Variants in UBE2F observed in about 807,000 individuals in gnomAD.
UBE2F encodes NEDD8-conjugating enzyme UBE2F.
UBE2F carries 5 observed loss-of-function variants against 29.6 expected under a neutral mutation model. That is an observed-to-expected ratio of 0.17 (90% confidence interval 0.09 to 0.36). The LOEUF is 0.36. UBE2F is among the 10% of genes least tolerant of loss of function. The probability of loss-of-function intolerance (pLI) is 1.00; values close to 1 mark genes in which losing one functional copy is unlikely to be tolerated. For missense variants in UBE2F, 141 were observed against 228.5 expected (o/e 0.62, Z 2.47); for synonymous variants, 66 against 81.8 (o/e 0.81, Z 1.04).
intron 9 of UBE2F, among the ~76,000 whole-genome samples, chr2:238,038,393 T>C (rs2064767158): frequency 6.6e-6 from 1 of 152,194 alleles, no homozygotes; most frequent in South Asian, 2.1e-4. Flanking sequence ...CCTGATGGGC[T>C]TGTGTTGTCT....
intron 4 of UBE2F, among the ~76,000 whole-genome samples, chr2:238,004,015 C>T (rs1014287887): frequency 2.6e-5 from 4 of 152,220 alleles, no homozygotes; most frequent in Admixed American, 6.5e-5. Flanking sequence ...CAATATGCAA[C>T]ATTTTGTATG....
intron 9 of UBE2F, 113 bp from the exon 10 acceptor site, chr2:238,041,175 C>T (rs890713417): frequency 1.1e-5 from 11 of 1,025,688 alleles, no homozygotes; most frequent in East Asian, 2.4e-5. Flanking sequence ...ACCACCTTGG[C>T]GACCACAGGG....
chr2:238,030,002 G>A (rs949954001), intron 6 of UBE2F, among the ~76,000 whole-genome samples: 3 of 151,674 alleles, frequency 2.0e-5, no homozygotes, highest in African/African-American at 7.3e-5. Flanking sequence ...CTGGAGTACA[G>A]GGGCGCCATC....
chr2:238,010,733 T>G (rs1319274771), intron 4 of UBE2F, among the ~76,000 whole-genome samples: 1 of 152,146 alleles, frequency 6.6e-6, no homozygotes, highest in Non-Finnish European at 1.5e-5. Flanking sequence ...TTACCCTGAA[T>G]GGCTCCCAAA....
chr2:238,015,529 A>T (rs1469870909), intron 4 of UBE2F, among the ~76,000 whole-genome samples: 1 of 152,166 alleles, frequency 6.6e-6, no homozygotes, highest in Non-Finnish European at 1.5e-5. Flanking sequence ...GGTCCAGGTA[A>T]TGCCAGTTTT....
chr2:237,974,159 C>CT (rs2063228184), intron 2 of UBE2F, among the ~76,000 whole-genome samples: 2 of 119,522 alleles, frequency 1.7e-5, no homozygotes, highest in Non-Finnish European at 1.9e-5. Flanking sequence ...ACGCCCAGCT[C>CT]ATTTTTTTTT....
chr2:238,009,565 G>T (rs554375998), intron 4 of UBE2F, among the ~76,000 whole-genome samples: 1 of 152,072 alleles, frequency 6.6e-6, no homozygotes, highest in South Asian at 2.1e-4. Context: ...CCCCGTAACC[G>T]TCCATTTCTT....
In UBE2F at chr2:238,041,271, A is replaced by G. The variant is rs1331291116; in HGVS notation, c.508-17A>G. On this transcript the variant is annotated splice_polypyrimidine_tract_variant and intron_variant, in intron 9 of 9. Coordinates refer to ENST00000272930, the MANE Select transcript of UBE2F (RefSeq NM_080678.3). ...CCTCCTGTTCTTCTTTCTGTCCCCA[A>G]TGCTGTTACTCCACAGGAGGACTTC... 3.1e-6 allele frequency: 5 copies of G among 1,613,052 alleles called. No individual in the cohort carries two copies. Among genetic ancestry groups the G allele is most frequent in the East Asian group, 2.2e-5 (1 of 44,888 alleles).
intron 4 of UBE2F, among the ~76,000 whole-genome samples, chr2:238,013,986 G>A (rs1033856379): frequency 1.1e-4 from 16 of 152,222 alleles, no homozygotes; most frequent in East Asian, 5.8e-4. Flanking sequence ...CACGGTGCAC[G>A]TGTAGTTACA....
chr2:238,004,178 C>T (rs1373653047), intron 4 of UBE2F, among the ~76,000 whole-genome samples: 1 of 152,182 alleles, frequency 6.6e-6, no homozygotes, highest in Non-Finnish European at 1.5e-5. Flanking sequence ...TTATAAGAAA[C>T]TACAAAATTG....
intron 5 of UBE2F, among the ~76,000 whole-genome samples, chr2:238,024,001 A>T (rs1470454295): frequency 6.6e-6 from 1 of 152,204 alleles, no homozygotes; most frequent in African/African-American, 2.4e-5. Context: ...GGAAGTGCCT[A>T]TTAAACTCGG....
intron 2 of UBE2F, among the ~76,000 whole-genome samples, chr2:237,984,054 C>A (rs965068409): frequency 6.6e-6 from 1 of 151,726 alleles, no homozygotes; most frequent in Non-Finnish European, 1.5e-5. Context: ...CTCTTCTTAC[C>A]CCTTCCCTAC....
intron 7 of UBE2F, 44 bp from the exon 8 acceptor site, chr2:238,032,178 C>T (rs1224266240): frequency 2.0e-6 from 3 of 1,533,462 alleles, no homozygotes; most frequent in South Asian, 2.2e-5. Context: ...AGACTAGGTG[C>T]ACTTTGGCTT....
chr2:238,038,528 GACCAAGCCTTATCA>G (rs2064770810), intron 9 of UBE2F, among the ~76,000 whole-genome samples: 1 of 152,240 alleles, frequency 6.6e-6, no homozygotes, highest in African/African-American at 2.4e-5. Context: ...AGCCCTTGTG[GACCAAGCCTTATCA>G]GATAGAAAGT....
At chr2:237,993,898 G>A (rs1045690162) in intron 3 of UBE2F, among the ~76,000 whole-genome samples, 7 of 152,080 alleles carry the variant, frequency 4.6e-5, no homozygotes, top group African/African-American at 1.7e-4. Flanking sequence ...CTCTCCCAGG[G>A]GAACACTTTG....
chr2:237,998,963 G>A (rs933499088), intron 4 of UBE2F, among the ~76,000 whole-genome samples: 12 of 152,042 alleles, frequency 7.9e-5, no homozygotes, highest in Non-Finnish European at 1.3e-4. Context: ...TTGTGCTGTG[G>A]TCTGAATACA....
At chr2:238,010,035 C>G (rs537527478) in intron 4 of UBE2F, among the ~76,000 whole-genome samples, 120 of 152,210 alleles carry the variant, frequency 7.9e-4, no homozygotes, top group African/African-American at 2.8e-3. Context: ...TTTCTCCTGG[C>G]ACTCATGTTT....
chr2:238,025,154 C>T (rs1188915646), intron 5 of UBE2F, 188 bp from the exon 6 acceptor site: 6 of 599,560 alleles, frequency 1.0e-5, no homozygotes, highest in African/African-American at 3.7e-5. Flanking sequence ...GGATGCAGCG[C>T]ATCAACACAT....
chr2:238,038,174 C>T (rs821506), intron 9 of UBE2F, among the ~76,000 whole-genome samples: 126,855 of 151,994 alleles, frequency 0.83, 53,040 homozygotes, highest in East Asian at 0.97. Flanking sequence ...AAGTGGCAGG[C>T]ATGGTGGGCA....
Sources: gnomAD v4.1 joint callset for allele counts (sites outside exome capture counted in the v4.1 genomes callset) on GRCh38, gnomAD v4.1.1 for gene constraint, MANE v1.5 for transcripts, NCBI Gene and HGNC (gene_info 2026-07-23, HGNC 2026-07-21) for gene names.